CMYA5: variants seen among roughly 807,000 people sequenced by gnomAD.
CMYA5 encodes cardiomyopathy associated 5, also known as cardiomyopathy-associated protein 5.
CMYA5 carries 246 observed loss-of-function variants against 318.9 expected under a neutral mutation model. The ratio of observed to expected loss-of-function variants is 0.77; its 90% CI spans 0.70 to 0.86. CMYA5 has a LOEUF of 0.86. CMYA5 is among the 40% of genes least tolerant of loss of function. The pLI, the probability that CMYA5 is intolerant of heterozygous loss-of-function variation, is 0.00. For missense variants in CMYA5, 4,589 were observed against 4,678.2 expected, an observed-to-expected ratio of 0.98 and a Z score of 0.56; for synonymous variants, 1,641 against 1,729.5, an observed-to-expected ratio of 0.95 and a Z score of 1.27.
At chr5:79,710,848 G>A (rs1179497993) in intron 1 of CMYA5, among the ~76,000 whole-genome samples, 2 of 151,956 alleles carry the variant, frequency 1.3e-5, no homozygotes, top group African/African-American at 4.8e-5. Flanking sequence ...ATTTTTAGTG[G>A]GTTTTTCTGT....
intron 1 of CMYA5, among the ~76,000 whole-genome samples, chr5:79,715,258 T>G (rs1268419324): frequency 6.6e-6 from 1 of 151,708 alleles, no homozygotes; most frequent in East Asian, 1.9e-4. Flanking sequence ...TTAAGTGATA[T>G]GAAACTATAG....
At chr5:79,765,598 A>G (rs1284406135) in intron 9 of CMYA5, among the ~76,000 whole-genome samples, 1 of 152,118 alleles carries the variant, frequency 6.6e-6, no homozygotes, top group African/African-American at 2.4e-5. Flanking sequence ...CATTTTCACA[A>G]TATTGGTTCT....
In CMYA5 at chr5:79,734,432, A is replaced by G. The variant is rs763219427; in HGVS notation, c.5667A>G (p.Pro1889=). 4 of 1,613,620 alleles carry G rather than the reference A, an allele frequency of 2.5e-6. No individual in the cohort carries two copies. Among genetic ancestry groups the G allele is most frequent in the Non-Finnish European group, 2.5e-6 (3 of 1,179,798 alleles). ...ETKMEEFFIS[P]KDENWMLGKP... The stretch of plus-strand genomic sequence containing the variant: ...AAATGGAAGAATTCTTTATTTCTCC[A>G]AAGGATGAAAACTGGATGTTGGGAA... Residue 1889 remains proline, a synonymous_variant, in exon 2 of 13, where the codon CCA becomes CCG. Coordinates refer to ENST00000446378, the MANE Select transcript of CMYA5 (RefSeq NM_153610.5).
At chr5:79,725,603 A>C (rs888310469) in intron 1 of CMYA5, among the ~76,000 whole-genome samples, 1 of 152,344 alleles carries the variant, frequency 6.6e-6, no homozygotes, top group South Asian at 2.1e-4. Context: ...TTCCCCCTGG[A>C]TCTAAAATAA....
At chr5:79,769,400 CT>C (rs1471978394) in intron 9 of CMYA5, among the ~76,000 whole-genome samples, 1 of 152,006 alleles carries the variant, frequency 6.6e-6, no homozygotes, top group Non-Finnish European at 1.5e-5. Context: ...AATTTTCAGC[CT>C]TTTTGCACTG....
intron 1 of CMYA5, among the ~76,000 whole-genome samples, chr5:79,714,431 C>CTTTTTTTTTTTTT (rs71615553): frequency 2.7e-4 from 27 of 100,662 alleles, no homozygotes; most frequent in Non-Finnish European, 4.1e-4. Flanking sequence ...TTTTCTTTTT[C>CTTTTTTTTTTTTT]TTTTTTTTTT....
Position 79,735,069 on chromosome 5 carries a change from T to C in CMYA5, c.6304T>C (p.Leu2102=). The C allele has an allele frequency of 6.2e-7, 1 of 1,613,788 alleles. No homozygotes were observed. Among genetic ancestry groups the C allele is most frequent in the Non-Finnish European group, 8.5e-7 (1 of 1,179,800 alleles). Residue 2102 remains leucine (L), a synonymous_variant, in exon 2 of 13, where the codon TTG becomes CTG. Coordinates refer to ENST00000446378, the MANE Select transcript of CMYA5 (RefSeq NM_153610.5). ...ACCTCCTTTTCCTGAAGAGAAGCCA[T>C]TGGAAGAATCAAAAATGGTTCAGTC... ...STPPFPEEKP[L]EESKMVQSKV...
At chr5:79,696,822 A>G (rs777895661) in intron 1 of CMYA5, among the ~76,000 whole-genome samples, 1 of 152,166 alleles carries the variant, frequency 6.6e-6, no homozygotes. Context: ...CCTGGCCAAC[A>G]TGGCGAAACC....
At chr5:79,708,206 T>C (rs1334147629) in intron 1 of CMYA5, among the ~76,000 whole-genome samples, 1 of 152,206 alleles carries the variant, frequency 6.6e-6, no homozygotes, top group East Asian at 1.9e-4. Flanking sequence ...ATTTCTACCA[T>C]GCTGTTTCTA....
At chr5:79,691,315 C>A (rs1826966806) in intron 1 of CMYA5, among the ~76,000 whole-genome samples, 1 of 152,200 alleles carries the variant, frequency 6.6e-6, no homozygotes, top group Admixed American at 6.5e-5. Context: ...GTCAACTCAG[C>A]TTTTATAACC....
In CMYA5 at chr5:79,794,464, T is replaced by G. The variant is rs376100171; in HGVS notation, c.11963+854T>G. Among the ~76,000 whole-genome samples the G allele has an allele frequency of 3.3e-4, 51 of 152,344 alleles. No homozygotes were observed. In the South Asian group the frequency reaches 0.01, roughly 30 times the overall value. ...CAGTATGGTTTAATAGAAAGAACAC[T>G]GGACTAGGAGCCAGGAATCCAGTTT... On this transcript the variant is annotated intron_variant, in intron 12 of 12. Coordinates refer to ENST00000446378, the MANE Select transcript of CMYA5 (RefSeq NM_153610.5).
At chr5:79,755,616 T>C (rs562066654) in intron 6 of CMYA5, among the ~76,000 whole-genome samples, 11 of 152,332 alleles carry the variant, frequency 7.2e-5, no homozygotes, top group African/African-American at 2.6e-4. Context: ...TTTATTACTG[T>C]AAAAGTGTAA....
chr5:79,760,442 T>G (rs1828629088), intron 7 of CMYA5, among the ~76,000 whole-genome samples: 2 of 152,188 alleles, frequency 1.3e-5, no homozygotes, highest in Non-Finnish European at 2.9e-5. Context: ...GGGTAATTTA[T>G]GAAGAAGAGG....
At chr5:79,699,792 A>G (rs1827141077) in intron 1 of CMYA5, among the ~76,000 whole-genome samples, 1 of 152,260 alleles carries the variant, frequency 6.6e-6, no homozygotes, top group Non-Finnish European at 1.5e-5. Context: ...TTGAGCATGG[A>G]CAGAGTTAAC....
At chr5:79,690,133 T>G (rs1286977773) in intron 1 of CMYA5, 77 bp downstream of exon 1, 1 of 1,374,342 alleles carries the variant, frequency 7.3e-7, no homozygotes, top group Non-Finnish European at 9.4e-7. Flanking sequence ...TTTAAGTTTT[T>G]AAGCTCTGGG....
intron 4 of CMYA5, among the ~76,000 whole-genome samples, chr5:79,745,838 G>T (rs562314642): frequency 1.3e-5 from 2 of 152,342 alleles, no homozygotes; most frequent in South Asian, 2.1e-4. Context: ...CACTCTCTAA[G>T]CTGAAGTGAC....
At chr5:79,759,067 A>T (rs1828594514) in intron 7 of CMYA5, among the ~76,000 whole-genome samples, 165 bp downstream of exon 7, 1 of 152,252 alleles carries the variant, frequency 6.6e-6, no homozygotes, top group Non-Finnish European at 1.5e-5. Flanking sequence ...ATAACTACAG[A>T]AGCAAAATTT....
rs1828165458 is a variant in CMYA5, at chr5:79,739,322, A to G, written c.10557A>G (p.Pro3519=). ...IDTYCYTCKC[P]ISATDKVFGT... is the part of the protein sequence containing the mutation. ...CATACTGTTACACCTGCAAATGTCC[A>G]ATTTCTGCCACTGACAAGGTGTTTG... Residue 3519 remains proline (P), a synonymous_variant, in exon 2 of 13, where the codon CCA becomes CCG. Coordinates refer to ENST00000446378, the MANE Select transcript of CMYA5 (RefSeq NM_153610.5). 3 of 1,586,602 alleles carry G rather than the reference A, an allele frequency of 1.9e-6. No homozygotes were observed. Among genetic ancestry groups the G allele is most frequent in the Non-Finnish European group, 2.6e-6 (3 of 1,166,492 alleles).
Position 79,745,429 on chromosome 5 carries a change from G to A in CMYA5, c.10942G>A (p.Glu3648Lys), listed in dbSNP as rs145423513. The change falls in exon 4 of 13, where the codon GAG becomes AAG. Residue 3648 changes from glutamate to lysine, a missense_variant. By Grantham distance (56) the Glu-to-Lys change is moderately conservative. This residue lies in a region of CMYA5 where 2,431 missense variants were observed against 2,495.1 expected (regional missense o/e 0.97). Transcript: ENST00000446378. ...GGAGACCATCGTGAGAGAAGCAGAG[G>A]AGCTTGATGAGGCCGTCTTCCTGAC... ...TLETIVREAE[E>K]LDEAVFLTSF... The A allele has an allele frequency of 3.9e-5, 63 of 1,613,926 alleles. No individual in the cohort carries two copies. In the African/African-American group the frequency reaches 8.1e-4, roughly 21 times the overall value.
Sources: allele counts gnomAD v4.1 joint callset (sites outside exome capture counted in the v4.1 genomes callset), GRCh38; gene constraint gnomAD v4.1.1; regional missense constraint gnomAD v4.1.1; transcripts MANE v1.5; gene names NCBI Gene and HGNC (gene_info 2026-07-23, HGNC 2026-07-21).